Variants in ZFPM2 observed in about 807,000 individuals in gnomAD.
ZFPM2 encodes zinc finger protein ZFPM2.
ZFPM2 carries 20 observed loss-of-function variants against 98.6 expected under a neutral mutation model. That is an observed-to-expected ratio of 0.20 (90% CI 0.14 to 0.29). ZFPM2 has a LOEUF of 0.29. ZFPM2 is among the 10% of genes least tolerant of loss of function. The pLI is 1.00. For missense variants in ZFPM2, 1,310 were observed against 1,388.6 expected, an observed-to-expected ratio of 0.94 and a Z score of 0.90; for synonymous variants, 518 against 502.7, an observed-to-expected ratio of 1.03 and a Z score of -0.41.
At chr8:105,761,727 A>G (rs1354637092) in intron 5 of ZFPM2, among the ~76,000 whole-genome samples, 2 of 151,992 alleles carry the variant, frequency 1.3e-5, no homozygotes, top group Non-Finnish European at 2.9e-5. Context: ...AAAAAAATAC[A>G]TTTAACTCAG....
intron 1 of ZFPM2, among the ~76,000 whole-genome samples, chr8:105,350,164 T>C (rs1649388266): frequency 6.6e-6 from 1 of 152,206 alleles, no homozygotes; most frequent in Non-Finnish European, 1.5e-5. Context: ...CTAGAGTTCC[T>C]ACCTCATTAG....
chr8:105,598,772 T>C (rs1396849146), intron 4 of ZFPM2, among the ~76,000 whole-genome samples: 2 of 152,134 alleles, frequency 1.3e-5, no homozygotes, highest in Non-Finnish European at 2.9e-5. Context: ...CAAAAACTCT[T>C]TATGTGTGAA....
intron 5 of ZFPM2, among the ~76,000 whole-genome samples, chr8:105,649,354 A>G (rs985441645): frequency 2.0e-5 from 3 of 152,108 alleles, no homozygotes; most frequent in Non-Finnish European, 4.4e-5. Context: ...CTCTTTTCCT[A>G]ATTGAATACC....
intron 1 of ZFPM2, among the ~76,000 whole-genome samples, chr8:105,338,375 G>A (rs1271953347): frequency 6.6e-6 from 1 of 151,764 alleles, no homozygotes; most frequent in African/African-American, 2.4e-5. Flanking sequence ...AACAATATCA[G>A]TAGAAACTTA....
At chr8:105,375,519 A>G (rs1230774091) in intron 1 of ZFPM2, among the ~76,000 whole-genome samples, 1 of 152,146 alleles carries the variant, frequency 6.6e-6, no homozygotes, top group Non-Finnish European at 1.5e-5. Flanking sequence ...ACCTTTCTCT[A>G]TGACCTTTGT....
At chr8:105,764,308 AC>A (rs2131078201) in intron 5 of ZFPM2, among the ~76,000 whole-genome samples, 1 of 151,388 alleles carries the variant, frequency 6.6e-6, no homozygotes, top group Admixed American at 6.6e-5. Context: ...ACACACACAC[AC>A]ACACACACAC....
At chr8:105,587,120 A>G (rs1815737536) in intron 4 of ZFPM2, among the ~76,000 whole-genome samples, 1 of 151,452 alleles carries the variant, frequency 6.6e-6, no homozygotes, top group Non-Finnish European at 1.5e-5. Context: ...ACTAAAAAAT[A>G]CAAAAAATTA....
chr8:105,756,024 G>A (rs751553012), intron 5 of ZFPM2, among the ~76,000 whole-genome samples: 1 of 152,090 alleles, frequency 6.6e-6, no homozygotes, highest in Non-Finnish European at 1.5e-5. Context: ...GTAAAAATAT[G>A]AGAACAAAAA....
intron 1 of ZFPM2, among the ~76,000 whole-genome samples, chr8:105,411,392 T>C (rs1185212081): frequency 1.3e-5 from 2 of 151,804 alleles, no homozygotes; most frequent in Non-Finnish European, 2.9e-5. Flanking sequence ...CACTTTGGGC[T>C]GGGGCCATCT....
intron 5 of ZFPM2, among the ~76,000 whole-genome samples, chr8:105,676,539 C>A (rs1810469101): frequency 6.6e-6 from 1 of 151,970 alleles, no homozygotes; most frequent in South Asian, 2.1e-4. Flanking sequence ...TCAGCGTCAG[C>A]ATTCTTTTCA....
At chr8:105,772,288 G>A (rs539843170) in intron 5 of ZFPM2, among the ~76,000 whole-genome samples, 3 of 152,224 alleles carry the variant, frequency 2.0e-5, no homozygotes, top group South Asian at 4.1e-4. Flanking sequence ...CACTCAGTCC[G>A]TGACAAAATC....
chr8:105,318,875 A>AGCGGCGGGC lies in ZFPM2; in HGVS notation c.-65_-64insGGCGGGCGC, dbSNP rs1191869437. 9.7e-7 allele frequency: 1 copy of AGCGGCGGGC among 1,027,692 alleles called. No homozygotes were observed. Among genetic ancestry groups the AGCGGCGGGC allele is most frequent in the Non-Finnish European group, 1.2e-6 (1 of 830,940 alleles). 63.7% of individuals were successfully genotyped at this position (1,027,692 alleles called of 1,614,324 possible). ...CGGCGGCGGCGGCGGCGGCGGCGGG[A>AGCGGCGGGC]GCCGAGGGAGCGGCAGCCGCGACCG... On this transcript the variant is annotated 5_prime_UTR_variant, in exon 1 of 8. Transcript: ENST00000407775.
rs535544253 is a variant in ZFPM2, at chr8:105,676,515, A to G, written c.532+42158A>G. Among the ~76,000 whole-genome samples, 15 of 152,280 alleles carry G rather than the reference A, an allele frequency of 9.9e-5. No homozygotes were observed. In the South Asian group the frequency reaches 2.5e-3, roughly 25 times the overall value. On this transcript the variant is annotated intron_variant, in intron 5 of 7. Transcript: ENST00000407775. The stretch of plus-strand genomic sequence containing the variant: ...TTCTGACCTGGAACAAACAATATAT[A>G]GTATTTGACTGTTTCAGCGTCAGCA...
At chr8:105,591,247 T>G (rs1189722034) in intron 4 of ZFPM2, among the ~76,000 whole-genome samples, 1 of 151,734 alleles carries the variant, frequency 6.6e-6, no homozygotes, top group East Asian at 1.9e-4. Flanking sequence ...TTAGAATTAT[T>G]TGAAAAAAAA....
intron 1 of ZFPM2, among the ~76,000 whole-genome samples, chr8:105,320,753 C>T (rs565216173): frequency 1.0e-3 from 152 of 152,118 alleles, no homozygotes; most frequent in African/African-American, 3.4e-3. Context: ...CCTTCTATGT[C>T]CACCTCATAT....
chr8:105,677,992 G>A (rs1305046250), intron 5 of ZFPM2, among the ~76,000 whole-genome samples: 1 of 152,122 alleles, frequency 6.6e-6, no homozygotes, highest in Non-Finnish European at 1.5e-5. Flanking sequence ...CATTTCAGAG[G>A]ATTTTTTTAA....
intron 3 of ZFPM2, among the ~76,000 whole-genome samples, chr8:105,525,844 G>A (rs1368407069): frequency 6.6e-6 from 1 of 152,122 alleles, no homozygotes; most frequent in Non-Finnish European, 1.5e-5. Flanking sequence ...TGCATCCACA[G>A]CAATTAAAAT....
At chr8:105,353,274 T>G (rs1269975868) in intron 1 of ZFPM2, among the ~76,000 whole-genome samples, 1 of 152,186 alleles carries the variant, frequency 6.6e-6, no homozygotes, top group Non-Finnish European at 1.5e-5. Context: ...TGGCACTCAA[T>G]TCACTCTGTG....
intron 1 of ZFPM2, among the ~76,000 whole-genome samples, chr8:105,325,972 T>C (rs1405297444): frequency 2.0e-5 from 3 of 151,774 alleles, no homozygotes; most frequent in Admixed American, 2.0e-4. Flanking sequence ...TTTCCTAGTC[T>C]CTTATTAATA....
Sources: allele counts gnomAD v4.1 joint callset (sites outside exome capture counted in the v4.1 genomes callset), GRCh38; gene constraint gnomAD v4.1.1; transcripts MANE v1.5; gene names NCBI Gene and HGNC (gene_info 2026-07-23, HGNC 2026-07-21).